CFAP46: variants seen among roughly 807,000 people sequenced by gnomAD.
The protein encoded by CFAP46 is cilia and flagella associated protein 46.
In CFAP46, 245 loss-of-function variants were observed where a neutral mutation model predicts 325.7. That is an observed-to-expected ratio of 0.75 (90% CI 0.68 to 0.84). The LOEUF (loss-of-function observed/expected upper bound fraction) is 0.84, where lower values mean the gene tolerates loss of function less well. CFAP46 is among the 40% of genes least tolerant of loss of function. CFAP46 has a pLI of 0.00. For missense variants in CFAP46, 3,346 were observed against 3,543.0 expected, an observed-to-expected ratio of 0.94 and a Z score of 1.41; for synonymous variants, 1,523 against 1,495.9, an observed-to-expected ratio of 1.02 and a Z score of -0.42.
chr10:132,929,436 C>T (rs955123333), intron 9 of CFAP46: 2 of 703,164 alleles, frequency 2.8e-6, no homozygotes, highest in African/African-American at 1.8e-5. Context: ...AATTTTACGC[C>T]GTCCGTAAAT....
At chr10:132,934,141 CAG>C (rs1335664514) in intron 8 of CFAP46, among the ~76,000 whole-genome samples, 1 of 152,196 alleles carries the variant, frequency 6.6e-6, no homozygotes, top group Non-Finnish European at 1.5e-5. Context: ...GAAAACCAAA[CAG>C]ATAATTTCAG....
chr10:132,813,350 C>G (rs1295967592), intron 54 of CFAP46, among the ~76,000 whole-genome samples: 1 of 146,746 alleles, frequency 6.8e-6, no homozygotes, highest in Non-Finnish European at 1.5e-5. Flanking sequence ...CTGCACACAC[C>G]TGCCCCTGCA....
At chr10:132,872,505 C>A in intron 32 of CFAP46, 171 bp downstream of exon 32, 1 of 818,288 alleles carries the variant, frequency 1.2e-6, no homozygotes, top group Non-Finnish European at 1.9e-6. Context: ...ATAGTCCTCC[C>A]GTCCCAACCA....
At position 132,836,178 on chromosome 10, in the gene CFAP46, T is replaced by C. The variant is rs200109506; in HGVS notation, c.6577A>G (p.Ile2193Val). The C allele has an allele frequency of 5.0e-6, 8 of 1,609,392 alleles. No homozygotes were observed. Among genetic ancestry groups the C allele is most frequent in the South Asian group, 1.1e-5 (1 of 90,752 alleles). Residue 2193 changes from isoleucine to valine, a missense_variant, in exon 46 of 58, where the codon ATT becomes GTT. Physicochemically the swap from Ile to Val is conservative, Grantham distance 29. Transcript: ENST00000368586. Reference protein sequence around the residue: ...YGAAYEKPKFITAAKGKVQAV... With the variant: ...YGAAYEKPKFVTAAKGKVQAV... ...TGCACCTTTCCTTTGGCTGCAGTAA[T>C]GAACTTGGGTTTCTCGTAGGCAGCG...
At chr10:132,862,456 G>A (rs1283839111) in intron 35 of CFAP46, among the ~76,000 whole-genome samples, 1 of 151,146 alleles carries the variant, frequency 6.6e-6, no homozygotes, top group Non-Finnish European at 1.5e-5. Flanking sequence ...CGGGGTGGGG[G>A]GTGCGTGAGG....
At chr10:132,926,705 T>C in intron 9 of CFAP46, 39 bp from the exon 10 acceptor site, 1 of 1,394,554 alleles carries the variant, frequency 7.2e-7, no homozygotes, top group Non-Finnish European at 9.8e-7. Flanking sequence ...TGGAGATCTG[T>C]AAGGGAAGCA....
rs747992747 is a variant in CFAP46 at position 132,916,555 on chromosome 10, G to A, written c.2114C>T (p.Thr705Ile). The A allele has an allele frequency of 1.1e-4, 166 of 1,547,846 alleles. No homozygotes were observed. The highest frequency in any genetic ancestry group is 1.4e-4 in the Non-Finnish European group (160 of 1,145,838). Reference protein sequence around the residue: ...EPPEVNAEWITYRTWIESLSR... With the variant: ...EPPEVNAEWIIYRTWIESLSR... ...CACTGTCGCCTCTGCCCACCTGTAT[G>A]TGATCCACTCAGCATTCACCTCCGG... The change falls in exon 17 of 58, where the codon ACA becomes ATA. Residue 705 changes from threonine to isoleucine, a missense_variant. Thr to Ile is a moderately conservative substitution (Grantham distance 89). Transcript: ENST00000368586.
chr10:132,941,144 C>T (rs558228916), intron 3 of CFAP46, 84 bp from the exon 4 acceptor site: 21 of 1,414,226 alleles, frequency 1.5e-5, no homozygotes, highest in South Asian at 5.8e-5. Flanking sequence ...GGCTCCCTCA[C>T]GGTTGGCCTG....
chr10:132,903,999 C>T (rs1040202044), intron 22 of CFAP46, among the ~76,000 whole-genome samples: 2 of 152,182 alleles, frequency 1.3e-5, no homozygotes, highest in Non-Finnish European at 1.5e-5. Flanking sequence ...TGAACTCATT[C>T]GTAACTGCTG....
intron 8 of CFAP46, among the ~76,000 whole-genome samples, chr10:132,933,088 G>A (rs1849937963): frequency 6.6e-6 from 1 of 152,244 alleles, no homozygotes; most frequent in Admixed American, 6.5e-5. Context: ...TGCTGGCAGC[G>A]ACTCAACTCG....
chr10:132,853,887 TTA>T (rs1848599635), intron 39 of CFAP46, among the ~76,000 whole-genome samples: 1 of 152,202 alleles, frequency 6.6e-6, no homozygotes, highest in African/African-American at 2.4e-5. Flanking sequence ...TAGTGGTAAT[TTA>T]TGTCATCTTT....
chr10:132,913,296 C>T, intron 17 of CFAP46, 38 bp from the exon 18 acceptor site: 2 of 1,527,908 alleles, frequency 1.3e-6, no homozygotes. Context: ...AATGCAGGGT[C>T]CCCAGCCCCG....
At chr10:132,940,893 G>T in intron 4 of CFAP46, 103 bp downstream of exon 4, 1 of 1,170,670 alleles carries the variant, frequency 8.5e-7, no homozygotes, top group Non-Finnish European at 1.3e-6. Context: ...GACCACAAAC[G>T]AGGGGAAACC....
chr10:132,909,231 T>C lies in CFAP46; in HGVS notation c.2663A>G (p.Asp888Gly). Residue 888 changes from aspartate to glycine, a missense_variant, in exon 21 of 58, where the codon GAT (aspartate) becomes GGT (glycine). Transcript: ENST00000368586. ...LGTEEQGTNE[D>G]VSSVTRVLVA... ...GAGGACTCTGGTCACCGAGCTGACA[T>C]CCTCATTGGTGCCCTGGTGGGGAGG... 6.5e-7 allele frequency: 1 copy of C among 1,550,232 alleles called. No individual in the cohort carries two copies. Among genetic ancestry groups the C allele is most frequent in the South Asian group, 1.2e-5 (1 of 84,048 alleles).
At chr10:132,825,618 G>A (rs1848032581) in intron 50 of CFAP46, among the ~76,000 whole-genome samples, 1 of 152,150 alleles carries the variant, frequency 6.6e-6, no homozygotes, top group South Asian at 2.1e-4. Flanking sequence ...GAAAAAGATT[G>A]ATAAATTAGA....
In CFAP46 at chr10:132,934,831, T is replaced by C. The variant is rs750617217; in HGVS notation, c.787A>G (p.Ile263Val). Residue 263 changes from isoleucine (I) to valine (V), a missense_variant, in exon 8 of 58, where the codon ATC becomes GTC. Physicochemically the swap from Ile to Val is conservative, Grantham distance 29 (BLOSUM62 3). Coordinates refer to ENST00000368586, the MANE Select transcript of CFAP46 (RefSeq NM_001200049.3). ...TAGGCCTTCCTCAGAATGACACTGA[T>C]GTCACCTGGTAAATCATTTTGCTCC... ...KAEQNDLPGD[I>V]SVILRKAYRH... The C allele has an allele frequency of 2.5e-6, 4 of 1,610,820 alleles. No homozygotes were observed. The highest frequency in any genetic ancestry group is 3.4e-6 in the Non-Finnish European group (4 of 1,177,058).
intron 33 of CFAP46, among the ~76,000 whole-genome samples, chr10:132,868,985 C>G (rs1207118244): frequency 2.0e-5 from 3 of 152,238 alleles, no homozygotes; most frequent in African/African-American, 7.2e-5. Flanking sequence ...GCACCCAGCG[C>G]CCAAGGGTCC....
chr10:132,912,852 G>A (rs1564798608), intron 18 of CFAP46, 32 bp from the exon 19 acceptor site: 2 of 1,543,388 alleles, frequency 1.3e-6, no homozygotes, highest in South Asian at 1.2e-5. Flanking sequence ...GGGAACCTTG[G>A]CCCCCGCAGG....
rs145954793 is a variant in CFAP46 at position 132,849,409 on chromosome 10, C to T, written c.5952+835G>A. Among the ~76,000 whole-genome samples, 581 of 152,220 alleles carry T rather than the reference C, an allele frequency of 3.8e-3. 3 individuals carry two copies. The highest frequency in any genetic ancestry group is 0.012 in the African/African-American group (496 of 41,530). The stretch of plus-strand genomic sequence containing the variant: ...GGATTGCCCTGGGCATGGAGCCAGG[C>T]ACATATGGCGTGGTTGCTCCAGTCC... On this transcript the variant is annotated intron_variant, in intron 41 of 57. Coordinates refer to ENST00000368586, the MANE Select transcript of CFAP46 (RefSeq NM_001200049.3).
Sources: gnomAD v4.1 joint callset for allele counts (sites outside exome capture counted in the v4.1 genomes callset) on GRCh38, gnomAD v4.1.1 for gene constraint, MANE v1.5 for transcripts, NCBI Gene and HGNC (gene_info 2026-07-23, HGNC 2026-07-21) for gene names.